SLC8A1: variants seen among roughly 807,000 people sequenced by gnomAD.
The protein encoded by SLC8A1 is sodium/calcium exchanger 1.
SLC8A1 carries 18 observed loss-of-function variants against 68.3 expected under a neutral mutation model. The observed-to-expected ratio is 0.26, with a 90% CI of 0.18 to 0.39. The LOEUF is 0.39. Among genes scored for constraint, SLC8A1 ranks in the 10% least tolerant of loss-of-function variants. The pLI, the probability that SLC8A1 is intolerant of heterozygous loss-of-function variation, is 1.00. For synonymous variants in SLC8A1, 475 were observed against 415.5 expected, an observed-to-expected ratio of 1.14 and a Z score of -1.74; for missense variants, 985 against 1,156.7, an observed-to-expected ratio of 0.85 and a Z score of 2.15.
intron 1 of SLC8A1, among the ~76,000 whole-genome samples, chr2:40,501,555 G>T (rs1706060062): frequency 1.3e-5 from 2 of 151,982 alleles, no homozygotes; most frequent in South Asian, 4.1e-4. Flanking sequence ...ACCTTTCTTT[G>T]GGAAATGTAT....
chr2:40,371,501 C>A (rs1678048996), intron 2 of SLC8A1, among the ~76,000 whole-genome samples: 1 of 152,082 alleles, frequency 6.6e-6, no homozygotes, highest in Non-Finnish European at 1.5e-5. Context: ...AGGGACCTCA[C>A]TCTTAAAACA....
chr2:40,304,099 C>T (rs1394404110), intron 2 of SLC8A1, among the ~76,000 whole-genome samples: 2 of 152,142 alleles, frequency 1.3e-5, no homozygotes, highest in African/African-American at 4.8e-5. Flanking sequence ...ATATTTGAGT[C>T]CTTTAGTATA....
chr2:40,133,600 A>G (rs1447745601), intron 7 of SLC8A1, among the ~76,000 whole-genome samples: 2 of 152,012 alleles, frequency 1.3e-5, no homozygotes, highest in African/African-American at 2.4e-5. Flanking sequence ...AGTAGCAACC[A>G]GCTGGTAGCA....
At chr2:40,273,835 C>T (rs963634456) in intron 2 of SLC8A1, among the ~76,000 whole-genome samples, 9 of 150,078 alleles carry the variant, frequency 6.0e-5, no homozygotes, top group Middle Eastern at 3.2e-3. Context: ...GAAGCAGGAA[C>T]GAGGAAAACA....
intron 2 of SLC8A1, among the ~76,000 whole-genome samples, chr2:40,389,712 C>T (rs934142760): frequency 6.6e-6 from 1 of 151,756 alleles, no homozygotes; most frequent in Non-Finnish European, 1.5e-5. Flanking sequence ...TTGTGGGTCT[C>T]ATACCTAGGT....
chr2:40,463,117 T>C (rs1017894335), intron 1 of SLC8A1, among the ~76,000 whole-genome samples: 1 of 151,850 alleles, frequency 6.6e-6, no homozygotes, highest in Non-Finnish European at 1.5e-5. Flanking sequence ...ACACAGAGAG[T>C]GGGCTTAGAC....
At chr2:40,126,592 G>A (rs1476109) in intron 7 of SLC8A1, among the ~76,000 whole-genome samples, 148,179 of 152,216 alleles carry the variant, frequency 0.97, 72,269 homozygotes, top group East Asian at 1. Flanking sequence ...TCAGTTTCTG[G>A]GACTAGACCT....
intron 7 of SLC8A1, chr2:40,123,411 T>C (rs1425959885): frequency 6.6e-6 from 1 of 152,234 alleles, no homozygotes; most frequent in African/African-American, 2.4e-5. Context: ...TATTCTTTAA[T>C]ACCATTAATG....
chr2:40,359,494 T>C (rs779302707), intron 2 of SLC8A1, among the ~76,000 whole-genome samples: 23 of 152,068 alleles, frequency 1.5e-4, no homozygotes, highest in Admixed American at 1.3e-4. Context: ...GACAATGGGA[T>C]CTTCGCAGCT....
intron 2 of SLC8A1, among the ~76,000 whole-genome samples, chr2:40,332,334 C>G (rs1275472205): frequency 6.7e-6 from 1 of 149,652 alleles, no homozygotes; most frequent in Non-Finnish European, 1.5e-5. Context: ...TTTGAGACTG[C>G]AAGTCCTGAC....
At chr2:40,365,000 A>C (rs935381868) in intron 2 of SLC8A1, among the ~76,000 whole-genome samples, 1 of 152,064 alleles carries the variant, frequency 6.6e-6, no homozygotes, top group Admixed American at 6.6e-5. Flanking sequence ...CAAGTAAAGA[A>C]CTGAGTTATT....
intron 2 of SLC8A1, among the ~76,000 whole-genome samples, chr2:40,246,142 A>G (rs548896134): frequency 6.6e-6 from 1 of 152,326 alleles, no homozygotes; most frequent in Admixed American, 6.5e-5. Flanking sequence ...AACTGTGCAC[A>G]TAGAAGATGA....
chr2:40,152,329 C>G (rs1278236627), intron 6 of SLC8A1, among the ~76,000 whole-genome samples: 1 of 152,152 alleles, frequency 6.6e-6, no homozygotes, highest in Non-Finnish European at 1.5e-5. Context: ...AAACCTCCAA[C>G]ATAGTAAAAC....
chr2:40,425,987 A>G (rs1259654867), intron 2 of SLC8A1, among the ~76,000 whole-genome samples: 2 of 152,016 alleles, frequency 1.3e-5, no homozygotes, highest in East Asian at 1.9e-4. Context: ...ATCTTTGATA[A>G]TATGTTTTTC....
rs150567542 is a variant in SLC8A1, at chr2:40,347,390, C to A, written c.1808+81083G>T. Among the ~76,000 whole-genome samples, 1,321 of 152,324 alleles carry A rather than the reference C, an allele frequency of 8.7e-3. 17 individuals are homozygous for A. The highest frequency in any genetic ancestry group is 0.03 in the African/African-American group (1,228 of 41,556). ...TGCCATGCTTCTTCCCATCACAGGGCCTTTGAATGTACTATCGTAGAAGTC... is the reference window on the plus strand; with the variant it reads ...TGCCATGCTTCTTCCCATCACAGGGACTTTGAATGTACTATCGTAGAAGTC... On this transcript the variant is annotated intron_variant, in intron 2 of 7. Coordinates refer to ENST00000406785, the Ensembl canonical transcript of SLC8A1.
chr2:40,257,016 G>GTAAA (rs70957166), intron 2 of SLC8A1, among the ~76,000 whole-genome samples: 17 of 151,298 alleles, frequency 1.1e-4, no homozygotes, highest in African/African-American at 3.9e-4. Context: ...TATCAAGTAA[G>GTAAA]TAAATAAATA....
chr2:40,495,285 G>A (rs556121132), intron 1 of SLC8A1, among the ~76,000 whole-genome samples: 2 of 151,976 alleles, frequency 1.3e-5, no homozygotes, highest in Non-Finnish European at 2.9e-5. Flanking sequence ...TTATAATGTA[G>A]TAGGTCAACA....
At chr2:40,119,457 C>T (rs1048507480) in intron 7 of SLC8A1, among the ~76,000 whole-genome samples, 4 of 152,188 alleles carry the variant, frequency 2.6e-5, no homozygotes, top group African/African-American at 9.7e-5. Flanking sequence ...TTTATTGCCG[C>T]TTTGCTGCTC....
Position 40,175,284 on chromosome 2 carries a change from G to A in SLC8A1, c.1913-442C>T. 6.2e-7 allele frequency: 1 copy of A among 1,612,770 alleles called. No individual in the cohort carries two copies. ...ACCAAGCTCATTCAATAACAGGGCT[G>A]TGAAGGAAACAGACAAAGACAAACA... On this transcript the variant is annotated intron_variant, in intron 3 of 7. Coordinates refer to ENST00000406785, the Ensembl canonical transcript of SLC8A1.
Sources: gnomAD v4.1 joint callset for allele counts (sites outside exome capture counted in the v4.1 genomes callset) on GRCh38, gnomAD v4.1.1 for gene constraint, MANE v1.5 for transcripts, NCBI Gene and HGNC (gene_info 2026-07-23, HGNC 2026-07-21) for gene names.